The following EXOC5 variants were observed in gnomAD, a reference collection of about 807,000 sequenced individuals.
EXOC5 encodes exocyst complex component 5.
EXOC5 carries 17 observed loss-of-function variants against 90.8 expected under a neutral mutation model. The ratio of observed to expected loss-of-function variants is 0.19; its 90% CI spans 0.13 to 0.28. The LOEUF (loss-of-function observed/expected upper bound fraction) is 0.28. Among genes scored for constraint, EXOC5 ranks in the 10% least tolerant of loss-of-function variants. The pLI, the probability that EXOC5 is intolerant of heterozygous loss-of-function variation, is 1.00. For synonymous variants in EXOC5, 260 were observed against 270.0 expected (o/e 0.96, Z 0.36); for missense variants, 569 against 830.6 (o/e 0.69, Z 3.87).
At chr14:57,257,925 T>G (rs956800334) in intron 1 of EXOC5, among the ~76,000 whole-genome samples, 4 of 152,154 alleles carry the variant, frequency 2.6e-5, no homozygotes, top group Non-Finnish European at 5.9e-5. Context: ...CTGACAAAGG[T>G]TTAGCTTCAC....
At chr14:57,257,909 A>G (rs1884398260) in intron 1 of EXOC5, among the ~76,000 whole-genome samples, 1 of 152,186 alleles carries the variant, frequency 6.6e-6, no homozygotes, top group Non-Finnish European at 1.5e-5. Flanking sequence ...TCAGAATTTT[A>G]TAAGGCTGAC....
At chr14:57,266,548 C>T (rs376459866) in intron 1 of EXOC5, among the ~76,000 whole-genome samples, 16 of 152,218 alleles carry the variant, frequency 1.1e-4, no homozygotes, top group East Asian at 5.8e-4. Context: ...AAAGTCACGT[C>T]AGTTTTAAGA....
intron 15 of EXOC5, among the ~76,000 whole-genome samples, chr14:57,211,018 T>C (rs991860909): frequency 6.6e-6 from 1 of 152,216 alleles, no homozygotes; most frequent in Non-Finnish European, 1.5e-5. Context: ...TTCTGCTGGA[T>C]GGCTTCTTAA....
chr14:57,206,003 A>T lies in EXOC5; in HGVS notation c.*2606T>A. On this transcript the variant is annotated 3_prime_UTR_variant, in exon 18 of 18. Transcript: ENST00000621441. ...GGTTGACTGTCATTTTCAACATCAT[A>T]ATTTACATAAGGTAGGCTTCCTTTA... The T allele has an allele frequency of 2.2e-6, 1 of 455,246 alleles. No individual in the cohort carries two copies. 28.2% of individuals were successfully genotyped at this position (455,246 alleles called of 1,614,324 possible).
intron 1 of EXOC5, among the ~76,000 whole-genome samples, chr14:57,259,626 GCTCTA>G (rs1199221838): frequency 1.3e-5 from 2 of 152,052 alleles, no homozygotes; most frequent in African/African-American, 4.8e-5. Flanking sequence ...TCAAAGCCTG[GCTCTA>G]TTCCCGTTTC....
chr14:57,239,472 C>T, intron 5 of EXOC5, 123 bp downstream of exon 5: 2 of 631,096 alleles, frequency 3.2e-6, no homozygotes, highest in South Asian at 2.0e-5. Context: ...AGTAAATGAA[C>T]CAGCAAGTGC....
At chr14:57,263,537 G>A (rs1884578638) in intron 1 of EXOC5, among the ~76,000 whole-genome samples, 1 of 151,698 alleles carries the variant, frequency 6.6e-6, no homozygotes, top group South Asian at 2.1e-4. Context: ...GGAGGCCGAG[G>A]CAGGTCGATC....
At chr14:57,246,484 C>T (rs1033444649) in intron 3 of EXOC5, among the ~76,000 whole-genome samples, 1 of 152,178 alleles carries the variant, frequency 6.6e-6, no homozygotes. Flanking sequence ...GGATACCACT[C>T]TATCCTAAGA....
intron 1 of EXOC5, among the ~76,000 whole-genome samples, chr14:57,258,590 T>A (rs1271628031): frequency 6.6e-6 from 1 of 152,078 alleles, no homozygotes. Flanking sequence ...GAGAAATACC[T>A]AATGTAAATG....
At chr14:57,243,796 T>C (rs958137339) in intron 4 of EXOC5, among the ~76,000 whole-genome samples, 2 of 152,182 alleles carry the variant, frequency 1.3e-5, no homozygotes, top group Non-Finnish European at 2.9e-5. Context: ...AGCTTATCAA[T>C]GATTTAGGTC....
chr14:57,244,355 G>A lies in EXOC5; in HGVS notation c.275C>T (p.Ala92Val). The A allele has an allele frequency of 6.2e-7, 1 of 1,612,020 alleles. No individual in the cohort carries two copies. The highest frequency in any genetic ancestry group is 8.5e-7 in the Non-Finnish European group (1 of 1,178,664). Reference sequence around the variant, plus strand: ...ATCTAGTTCTTGGAAATGTTGGAAGGCAACCTAGGAAAAATGTGCATAAGC... The same window carrying A: ...ATCTAGTTCTTGGAAATGTTGGAAGACAACCTAGGAAAAATGTGCATAAGC... ...VQELQKSNQV[A>V]FQHFQELDEH... The change falls in exon 4 of 18, where the codon GCC (alanine) becomes GTC (valine). Residue 92 changes from alanine to valine, a missense_variant. By Grantham distance (64) the Ala-to-Val change is moderately conservative. Around this residue, in one of 9 missense-constraint regions of EXOC5, gnomAD observed 97 missense variants for 177.9 expected, o/e 0.55. Coordinates refer to ENST00000621441, the MANE Select transcript of EXOC5 (RefSeq NM_006544.4).
intron 1 of EXOC5, among the ~76,000 whole-genome samples, chr14:57,263,045 TTCCCAGC>T (rs1283386958): frequency 6.6e-6 from 1 of 152,130 alleles, no homozygotes; most frequent in African/African-American, 2.4e-5. Flanking sequence ...GATCCCTATT[TTCCCAGC>T]TAACAATTTC....
At position 57,234,545 on chromosome 14, in the gene EXOC5, A is replaced by G. The variant is rs1289703801; in HGVS notation, c.670-513T>C. Among the ~76,000 whole-genome samples, 1,224 of 146,472 alleles carry G rather than the reference A, an allele frequency of 8.4e-3. 21 individuals carry two copies. Among genetic ancestry groups the G allele is most frequent in the African/African-American group, 0.029 (1,150 of 40,000 alleles). The stretch of plus-strand genomic sequence containing the variant: ...TGTGTGTGTGTGTGTGTGTATATAT[A>G]TATATATGTGTATATATATATTTCT... On this transcript the variant is annotated intron_variant, in intron 7 of 17. Transcript: ENST00000621441.
intron 12 of EXOC5, among the ~76,000 whole-genome samples, chr14:57,228,069 G>A (rs1414159936): frequency 6.7e-6 from 1 of 150,234 alleles, no homozygotes; most frequent in East Asian, 1.9e-4. Context: ...CTTCTCAAAA[G>A]AAGACATTTA....
chr14:57,219,300 A>T lies in EXOC5; in HGVS notation c.1526+22T>A, dbSNP rs780211805. The T allele has an allele frequency of 1.3e-5, 18 of 1,402,272 alleles. No individual in the cohort carries two copies. The African/African-American group carries it at 2.7e-4, about 21-fold the overall frequency. The allele number at this position is 1,402,272 out of a possible 1,614,324, so 86.9% of individuals were successfully genotyped here. ...TATAATAGTCACTGAAATATCAATGAAAATCAGATAATTTGACTAACCTTA... is the reference window on the plus strand; with the variant it reads ...TATAATAGTCACTGAAATATCAATGTAAATCAGATAATTTGACTAACCTTA... On this transcript the variant is annotated intron_variant, in intron 14 of 17. Transcript: ENST00000621441.
rs1433383050 is a variant in EXOC5, at chr14:57,204,829, G to T, written c.*3780C>A. On this transcript the variant is annotated 3_prime_UTR_variant, in exon 18 of 18. Transcript: ENST00000621441. ...TTAAGAAAAACACAACAGTAAATTA[G>T]ATATTGACCCTGTATGCCAACTTTG... 6.6e-6 allele frequency: 1 copy of T among 152,340 alleles called. No individual in the cohort carries two copies. The highest frequency in any genetic ancestry group is 1.9e-4 in the East Asian group (1 of 5,202). The allele number at this position is 152,340 out of a possible 1,614,324, so 9.4% of individuals were successfully genotyped here.
At chr14:57,232,920 G>A (rs1171710783) in intron 9 of EXOC5, 171 bp from the exon 10 acceptor site, 1 of 486,714 alleles carries the variant, frequency 2.1e-6, no homozygotes, top group African/African-American at 2.0e-5. Context: ...TTTAAAACAG[G>A]TTTTTACATT....
intron 16 of EXOC5, 65 bp downstream of exon 16, chr14:57,209,888 G>A: frequency 2.6e-6 from 3 of 1,173,770 alleles, no homozygotes; most frequent in Non-Finnish European, 3.7e-6. Flanking sequence ...AAAAATCTAG[G>A]GCACAGTAGG....
At chr14:57,240,256 A>G (rs1049555231) in intron 4 of EXOC5, among the ~76,000 whole-genome samples, 28 of 146,080 alleles carry the variant, frequency 1.9e-4, no homozygotes, top group Non-Finnish European at 3.0e-4. Context: ...TGTGGCCCAG[A>G]TATCTCTTAA....
Sources: gnomAD v4.1 joint callset for allele counts (sites outside exome capture counted in the v4.1 genomes callset) on GRCh38, gnomAD v4.1.1 for gene constraint, gnomAD v4.1.1 regional missense constraint, MANE v1.5 for transcripts, NCBI Gene and HGNC (gene_info 2026-07-23, HGNC 2026-07-21) for gene names.